The following ANKS1B variants were observed in gnomAD, a reference collection of about 807,000 sequenced individuals.
ANKS1B encodes the protein ankyrin repeat and sterile alpha motif domain containing 1B.
Under a neutral mutation model 148.3 loss-of-function variants are expected in ANKS1B, and 36 were observed. The observed-to-expected ratio is 0.24, with a 90% CI of 0.19 to 0.32. ANKS1B has a LOEUF of 0.32. ANKS1B is among the 10% of genes least tolerant of loss of function. The pLI, the probability that ANKS1B is intolerant of heterozygous loss-of-function variation, is 1.00. For synonymous variants in ANKS1B, 542 were observed against 560.8 expected, an observed-to-expected ratio of 0.97 and a Z score of 0.47; for missense variants, 1,157 against 1,542.6, an observed-to-expected ratio of 0.75 and a Z score of 4.19.
intron 9 of ANKS1B, among the ~76,000 whole-genome samples, chr12:99,569,011 G>A (rs771546320): frequency 6.6e-6 from 1 of 152,122 alleles, no homozygotes; most frequent in Non-Finnish European, 1.5e-5. Flanking sequence ...TCACAGACAC[G>A]GTGATATGTC....
At chr12:99,324,703 T>C (rs954904167) in intron 12 of ANKS1B, among the ~76,000 whole-genome samples, 1 of 152,184 alleles carries the variant, frequency 6.6e-6, no homozygotes, top group South Asian at 2.1e-4. Context: ...ATAAAAAACA[T>C]TCATTCTTGA....
intron 12 of ANKS1B, among the ~76,000 whole-genome samples, chr12:99,384,106 C>T (rs1420041735): frequency 6.6e-6 from 1 of 152,084 alleles, no homozygotes; most frequent in African/African-American, 2.4e-5. Context: ...GAGATTTTGT[C>T]TGTTTGCTCC....
chr12:99,129,948 G>C (rs1159541370), intron 15 of ANKS1B, among the ~76,000 whole-genome samples: 1 of 152,088 alleles, frequency 6.6e-6, no homozygotes, highest in African/African-American at 2.4e-5. Flanking sequence ...ATTTCTTTCT[G>C]TATTTATTAT....
chr12:98,740,466 A>C (rs990619880), downstream of ANKS1B, among the ~76,000 whole-genome samples: 3 of 152,212 alleles, frequency 2.0e-5, no homozygotes, highest in African/African-American at 7.2e-5. Flanking sequence ...TTTGGTGTGC[A>C]TATTAACCCA....
intron 9 of ANKS1B, among the ~76,000 whole-genome samples, chr12:99,585,087 C>T (rs1261856475): frequency 1.3e-5 from 2 of 152,126 alleles, no homozygotes; most frequent in African/African-American, 2.4e-5. Context: ...CAAAAGTCCA[C>T]AGTCCAAAGT....
intron 17 of ANKS1B, among the ~76,000 whole-genome samples, chr12:98,963,179 CCTTT>C (rs1022526575): frequency 6.6e-6 from 1 of 151,366 alleles, no homozygotes; most frequent in Non-Finnish European, 1.5e-5. Flanking sequence ...TTCTTTTTTT[CCTTT>C]CTTTTTTTTT....
At chr12:99,593,069 TGTAA>T (rs980186779) in intron 9 of ANKS1B, among the ~76,000 whole-genome samples, 2 of 152,066 alleles carry the variant, frequency 1.3e-5, no homozygotes, top group Admixed American at 6.6e-5. Context: ...GAGAACAGAT[TGTAA>T]GTGTTTCTTA....
At chr12:99,737,233 C>A (rs2059694501) in intron 8 of ANKS1B, among the ~76,000 whole-genome samples, 1 of 152,072 alleles carries the variant, frequency 6.6e-6, no homozygotes, top group Non-Finnish European at 1.5e-5. Context: ...GATACCTGCA[C>A]CTTCGTGTTT....
chr12:98,766,412 C>A (rs190718000), intron 25 of ANKS1B, among the ~76,000 whole-genome samples: 17 of 152,316 alleles, frequency 1.1e-4, no homozygotes, highest in Non-Finnish European at 2.5e-4. Context: ...GCTGGCTGGA[C>A]AGGGCCAGGG....
At chr12:99,709,398 T>C (rs1227499955) in intron 8 of ANKS1B, among the ~76,000 whole-genome samples, 1 of 152,068 alleles carries the variant, frequency 6.6e-6, no homozygotes, top group East Asian at 1.9e-4. Flanking sequence ...TGTTTGAAGG[T>C]GTGTGGGATG....
intron 1 of ANKS1B, among the ~76,000 whole-genome samples, chr12:99,967,354 A>T (rs1377736156): frequency 1.3e-5 from 2 of 152,202 alleles, no homozygotes; most frequent in African/African-American, 4.8e-5. Flanking sequence ...TCACCTGCAT[A>T]GCGCCAAATG....
intron 17 of ANKS1B, among the ~76,000 whole-genome samples, chr12:98,848,739 T>C (rs1192100561): frequency 1.1e-5 from 1 of 93,400 alleles, no homozygotes; most frequent in Non-Finnish European, 2.1e-5. Flanking sequence ...TCTGTGTATG[T>C]GTGGTTTTTT....
rs2097849511 is a variant in ANKS1B, at chr12:98,744,939, GT to G, written c.*799del. 1 of 985,640 alleles carries G rather than the reference GT, an allele frequency of 1.0e-6. No homozygotes were observed. The highest frequency in any genetic ancestry group is 1.2e-6 in the Non-Finnish European group (1 of 829,914). 61.1% of individuals were successfully genotyped at this position (985,640 alleles called of 1,614,324 possible). ...TGCCACCACTGAGCCAGTCCTCTTG[GT>G]AGTAGCAGTAGAAATTTAATTATTT... On this transcript the variant is annotated 3_prime_UTR_variant, in exon 27 of 27. Transcript: ENST00000683438.
At chr12:99,959,738 A>T (rs2153830476) in intron 1 of ANKS1B, among the ~76,000 whole-genome samples, 1 of 152,232 alleles carries the variant, frequency 6.6e-6, no homozygotes, top group East Asian at 1.9e-4. Flanking sequence ...AGTAAACATT[A>T]GTCATAGTTG....
intron 17 of ANKS1B, among the ~76,000 whole-genome samples, chr12:99,017,584 C>T (rs748440939): frequency 6.6e-5 from 10 of 152,142 alleles, no homozygotes; most frequent in Admixed American, 2.6e-4. Context: ...ACTCAGCATA[C>T]GAAGACTGTT....
Position 99,535,976 on chromosome 12 carries a change from T to C in ANKS1B, c.1273-31335A>G, listed in dbSNP as rs1013920064. ...TCCACAACAGTCTCACAATCACTCT[T>C]AAAACCAACATATACTAGAGGGCGT... On this transcript the variant is annotated intron_variant, in intron 9 of 26. Coordinates refer to ENST00000683438, the MANE Select transcript of ANKS1B (RefSeq NM_001352186.2). Among the ~76,000 whole-genome samples, 5 of 152,182 alleles carry C rather than the reference T, an allele frequency of 3.3e-5. No homozygotes were observed. In the East Asian group the frequency reaches 9.6e-4, roughly 29 times the overall value.
At chr12:99,002,964 CA>C (rs540645773) in intron 17 of ANKS1B, among the ~76,000 whole-genome samples, 14 of 152,268 alleles carry the variant, frequency 9.2e-5, no homozygotes, top group Non-Finnish European at 1.6e-4. Context: ...TTCACAGTTT[CA>C]AGTCTTACAT....
intron 9 of ANKS1B, among the ~76,000 whole-genome samples, chr12:99,579,815 G>A (rs2097553100): frequency 6.6e-6 from 1 of 152,056 alleles, no homozygotes; most frequent in South Asian, 2.1e-4. Context: ...ATTTAAGTCA[G>A]AACTACCATT....
chr12:99,441,494 T>C (rs749626524), intron 11 of ANKS1B, among the ~76,000 whole-genome samples: 3 of 151,936 alleles, frequency 2.0e-5, no homozygotes, highest in African/African-American at 2.4e-5. Context: ...GAGAAATAAG[T>C]CATGCACCAA....
Sources: allele counts gnomAD v4.1 joint callset (sites outside exome capture counted in the v4.1 genomes callset), GRCh38; gene constraint gnomAD v4.1.1; transcripts MANE v1.5; gene names NCBI Gene and HGNC (gene_info 2026-07-23, HGNC 2026-07-21).